The following DAB1 variants were observed in gnomAD, a reference collection of about 807,000 sequenced individuals.
The protein encoded by DAB1 is disabled homolog 1.
In DAB1, 15 loss-of-function variants were observed where a neutral mutation model predicts 64.6. That is an observed-to-expected ratio of 0.23 (90% CI 0.16 to 0.36). The LOEUF is 0.36. DAB1 is among the 10% of genes least tolerant of loss of function. DAB1 has a pLI of 1.00. For missense variants in DAB1, 596 were observed against 706.7 expected (o/e 0.84, Z 1.78); for synonymous variants, 235 against 251.9 (o/e 0.93, Z 0.64).
intron 3 of DAB1, among the ~76,000 whole-genome samples, chr1:57,144,915 A>G (rs920607016): frequency 3.9e-5 from 6 of 152,172 alleles, no homozygotes; most frequent in Non-Finnish European, 7.3e-5. Flanking sequence ...CTCTTACCAT[A>G]TGGCAAAAAT....
chr1:58,300,633 AGAGAGAGAGAGAGAGGAAGG>A lies in DAB1; in HGVS notation n.309+42699_309+42718del, dbSNP rs1199069245. 1.6e-3 allele frequency among the ~76,000 whole-genome samples: 101 copies of A among 64,348 alleles called. 1 individual carries two copies. Among genetic ancestry groups the A allele is most frequent in the East Asian group, 7.2e-3 (12 of 1,674 alleles). 42.2% of individuals were successfully genotyped at this position (64,348 alleles called of 152,430 possible). A position where few individuals can be genotyped will look rare whatever the true frequency, so the allele number is the denominator to read the frequency against. On this transcript the variant is annotated intron_variant and non_coding_transcript_variant, in intron 4 of 20. Transcript: ENST00000485760. Reference sequence around the variant, plus strand: ...GAAAGAGAGAGAGAGAGAGAGAGAGAGAGAGAGAGAGAGAGGAAGGAAGGAAGGAAGGAAGGAAGGAAGGA... The same window carrying A: ...GAAAGAGAGAGAGAGAGAGAGAGAGAAAGGAAGGAAGGAAGGAAGGAAGGA...
intron 3 of DAB1, among the ~76,000 whole-genome samples, chr1:58,403,982 G>T (rs1261326201): frequency 6.6e-6 from 1 of 152,196 alleles, no homozygotes; most frequent in Non-Finnish European, 1.5e-5. Flanking sequence ...GATTTATTTG[G>T]TCTGGAGAAG....
chr1:57,737,795 T>G (rs1375127510), intron 6 of DAB1, among the ~76,000 whole-genome samples: 1 of 152,234 alleles, frequency 6.6e-6, no homozygotes, highest in African/African-American at 2.4e-5. Context: ...CATTTCACTT[T>G]ATTATACCCT....
At chr1:58,113,284 G>A (rs1652093534) in intron 5 of DAB1, among the ~76,000 whole-genome samples, 1 of 152,148 alleles carries the variant, frequency 6.6e-6, no homozygotes, top group South Asian at 2.1e-4. Flanking sequence ...TTGATTGGTT[G>A]GAGGGTGCGT....
chr1:57,137,793 G>A (rs1246909424), intron 3 of DAB1, among the ~76,000 whole-genome samples: 1 of 152,154 alleles, frequency 6.6e-6, no homozygotes, highest in Non-Finnish European at 1.5e-5. Context: ...TCAGTTTTGG[G>A]GAATGGTTGG....
At chr1:57,972,936 T>G (rs1054336598) in intron 5 of DAB1, among the ~76,000 whole-genome samples, 28 of 152,340 alleles carry the variant, frequency 1.8e-4, no homozygotes, top group Middle Eastern at 3.4e-3. Flanking sequence ...TAAGCTATAT[T>G]CTGTATATTT....
intron 3 of DAB1, among the ~76,000 whole-genome samples, chr1:58,475,485 C>T (rs1451970532): frequency 6.6e-6 from 1 of 151,584 alleles, no homozygotes; most frequent in Non-Finnish European, 1.5e-5. Context: ...TAAACACACA[C>T]ACACACACAC....
intron 3 of DAB1, among the ~76,000 whole-genome samples, chr1:58,421,097 A>G (rs1045065414): frequency 1.6e-4 from 25 of 152,238 alleles, no homozygotes; most frequent in Non-Finnish European, 3.2e-4. Flanking sequence ...GCTGTCATTC[A>G]GATTCCAAAG....
chr1:58,125,529 C>A (rs1653012669), intron 5 of DAB1, among the ~76,000 whole-genome samples: 1 of 151,538 alleles, frequency 6.6e-6, no homozygotes, highest in Non-Finnish European at 1.5e-5. Context: ...GCAGCCTCAA[C>A]CTCCCAGTCT....
At chr1:57,553,458 AAG>A (rs1215075800) in intron 7 of DAB1, among the ~76,000 whole-genome samples, 11 of 132,234 alleles carry the variant, frequency 8.3e-5, no homozygotes, top group Admixed American at 3.1e-4. Flanking sequence ...GAAAGAAAGA[AAG>A]AGAAAGGGAA....
intron 1 of DAB1, among the ~76,000 whole-genome samples, chr1:57,416,063 C>T (rs1684471089): frequency 6.6e-6 from 1 of 152,168 alleles, no homozygotes; most frequent in Non-Finnish European, 1.5e-5. Context: ...CAAAAGCTTC[C>T]TCCGGTGAGC....
chr1:57,277,170 A>G (rs1172141828), intron 2 of DAB1, among the ~76,000 whole-genome samples: 2 of 152,196 alleles, frequency 1.3e-5, no homozygotes, highest in Non-Finnish European at 2.9e-5. Context: ...TTGAACTCCA[A>G]CCAGGAAGGT....
chr1:57,477,902 C>T (rs1311998836), intron 7 of DAB1, among the ~76,000 whole-genome samples: 3 of 152,034 alleles, frequency 2.0e-5, no homozygotes, highest in African/African-American at 7.3e-5. Context: ...ATGTTAGACT[C>T]TATCCTATTT....
At chr1:58,342,763 A>G (rs549609336) in intron 4 of DAB1, among the ~76,000 whole-genome samples, 2 of 151,978 alleles carry the variant, frequency 1.3e-5, no homozygotes, top group African/African-American at 4.8e-5. Flanking sequence ...TATTGATTTC[A>G]CCTCCTTTTT....
chr1:57,441,203 C>G (rs187430518), intron 7 of DAB1, among the ~76,000 whole-genome samples: 134 of 152,326 alleles, frequency 8.8e-4, no homozygotes, highest in Admixed American at 1.8e-3. Context: ...GACACAATTT[C>G]ATTCTTTTTA....
chr1:57,708,192 G>C (rs943300607), intron 6 of DAB1, among the ~76,000 whole-genome samples: 4 of 152,214 alleles, frequency 2.6e-5, no homozygotes, highest in Admixed American at 1.3e-4. Flanking sequence ...ATTCTGCCTG[G>C]ATTGGGTCTA....
intron 6 of DAB1, among the ~76,000 whole-genome samples, chr1:57,739,378 C>A (rs980862321): frequency 6.9e-6 from 1 of 145,812 alleles, no homozygotes; most frequent in East Asian, 2.2e-4. Context: ...CACTCAGCTT[C>A]CTGAACCTCA....
At chr1:57,174,900 A>AGT (rs1662139450) in intron 2 of DAB1, among the ~76,000 whole-genome samples, 1 of 152,188 alleles carries the variant, frequency 6.6e-6, no homozygotes, top group African/African-American at 2.4e-5. Context: ...AAGTCAGGGA[A>AGT]ACATGAGTAC....
At chr1:57,180,848 C>T (rs1557880822) in intron 2 of DAB1, among the ~76,000 whole-genome samples, 1 of 152,218 alleles carries the variant, frequency 6.6e-6, no homozygotes, top group African/African-American at 2.4e-5. Context: ...CCTGTCTCCT[C>T]TACCCCAGTC....
Sources: gnomAD v4.1 joint callset for allele counts (sites outside exome capture counted in the v4.1 genomes callset) on GRCh38, gnomAD v4.1.1 for gene constraint, MANE v1.5 for transcripts, NCBI Gene and HGNC (gene_info 2026-07-23, HGNC 2026-07-21) for gene names.